CDH10: variants seen among roughly 807,000 people sequenced by gnomAD.
CDH10 encodes cadherin-10.
A neutral mutation model predicts 73.1 loss-of-function variants in CDH10; 30 were observed. The observed-to-expected ratio is 0.41, with a 90% CI of 0.31 to 0.56. The LOEUF (loss-of-function observed/expected upper bound fraction) is 0.56. Ranked by LOEUF, CDH10 falls within the 20% of genes least tolerant of loss-of-function variation. The pLI is 0.27. For missense variants in CDH10, 815 were observed against 973.7 expected, an observed-to-expected ratio of 0.84 and a Z score of 2.17; for synonymous variants, 345 against 348.2, an observed-to-expected ratio of 0.99 and a Z score of 0.10.
At chr5:24,495,770 C>T (rs371688752) in intron 9 of CDH10, among the ~76,000 whole-genome samples, 2 of 151,120 alleles carry the variant, frequency 1.3e-5, no homozygotes, top group African/African-American at 4.9e-5. Flanking sequence ...TCACTTGAAC[C>T]GAACCCAGGA....
At chr5:24,524,253 T>A (rs1197014273) in intron 5 of CDH10, among the ~76,000 whole-genome samples, 1 of 152,142 alleles carries the variant, frequency 6.6e-6, no homozygotes, top group African/African-American at 2.4e-5. Context: ...CAGTGATTCA[T>A]TCACACTTTC....
chr5:24,615,286 T>C (rs866231388), intron 1 of CDH10, among the ~76,000 whole-genome samples: 47 of 152,366 alleles, frequency 3.1e-4, no homozygotes, highest in African/African-American at 1.1e-3. Context: ...TCAAATATTT[T>C]ATATTTCTGT....
intron 2 of CDH10, among the ~76,000 whole-genome samples, chr5:24,583,350 G>A (rs1235497941): frequency 6.6e-6 from 1 of 151,864 alleles, no homozygotes; most frequent in Non-Finnish European, 1.5e-5. Flanking sequence ...TTTTAAAGAA[G>A]AAAACTAGGG....
At chr5:24,570,273 A>C (rs1745329399) in intron 2 of CDH10, among the ~76,000 whole-genome samples, 1 of 152,196 alleles carries the variant, frequency 6.6e-6, no homozygotes, top group Non-Finnish European at 1.5e-5. Flanking sequence ...AATAAGACAA[A>C]AATAATCATC....
intron 5 of CDH10, among the ~76,000 whole-genome samples, chr5:24,518,761 A>G (rs1427452244): frequency 6.6e-6 from 1 of 151,936 alleles, no homozygotes; most frequent in Non-Finnish European, 1.5e-5. Flanking sequence ...TCATATCTGT[A>G]TATTAATAAA....
intron 1 of CDH10, among the ~76,000 whole-genome samples, chr5:24,616,671 A>G (rs984990597): frequency 6.6e-6 from 1 of 152,202 alleles, no homozygotes; most frequent in East Asian, 1.9e-4. Context: ...CTTATTCTCC[A>G]GAATAAACAT....
intron 5 of CDH10, among the ~76,000 whole-genome samples, chr5:24,532,077 G>A (rs1038204411): frequency 1.3e-5 from 2 of 151,994 alleles, no homozygotes; most frequent in East Asian, 1.9e-4. Context: ...GAGAAACATT[G>A]TTATAAATCC....
chr5:24,631,175 G>C (rs181838318), intron 1 of CDH10, among the ~76,000 whole-genome samples: 22 of 152,180 alleles, frequency 1.4e-4, no homozygotes, highest in Admixed American at 1.2e-3. Flanking sequence ...TAAGGACTTA[G>C]GTTAATCTCA....
chr5:24,618,629 G>T (rs112620099), intron 1 of CDH10, among the ~76,000 whole-genome samples: 2 of 152,124 alleles, frequency 1.3e-5, no homozygotes, highest in Non-Finnish European at 2.9e-5. Context: ...CTGATTAAGC[G>T]AATAGTCCAG....
chr5:24,554,473 CGTGTGT>C (rs70965612), intron 2 of CDH10, among the ~76,000 whole-genome samples: 32,638 of 149,254 alleles, frequency 0.22, 3,809 homozygotes, highest in Admixed American at 0.27. Context: ...TCTCCCTATT[CGTGTGT>C]GTGTGTGTGT....
chr5:24,528,748 T>C (rs991749702), intron 5 of CDH10, among the ~76,000 whole-genome samples: 5 of 151,986 alleles, frequency 3.3e-5, no homozygotes, highest in African/African-American at 1.2e-4. Flanking sequence ...TATGTAAAAG[T>C]AGTGAACTAC....
chr5:24,574,087 A>G (rs960469023), intron 2 of CDH10, among the ~76,000 whole-genome samples: 3 of 151,718 alleles, frequency 2.0e-5, no homozygotes, highest in South Asian at 4.2e-4. Context: ...GGGTTTCACC[A>G]TGTTAGCCAG....
intron 1 of CDH10, among the ~76,000 whole-genome samples, chr5:24,606,682 G>T (rs558593082): frequency 6.6e-6 from 1 of 152,114 alleles, no homozygotes; most frequent in South Asian, 2.1e-4. Flanking sequence ...GTATAAAAAA[G>T]ATTTTTACCT....
At chr5:24,624,397 T>G in intron 1 of CDH10, among the ~76,000 whole-genome samples, 1 of 152,218 alleles carries the variant, frequency 6.6e-6, no homozygotes, top group South Asian at 2.1e-4. Flanking sequence ...TTCTACAAAT[T>G]ATGGGTAAAC....
At position 24,504,506 on chromosome 5, in the gene CDH10, C is replaced by CTGTTTTTTTTTTTTTTTTTTTTTTTTT. The variant is rs1554016940; in HGVS notation, c.1393+605_1393+606insAAAAAAAAAAAAAAAAAAAAAAAAACA. On this transcript the variant is annotated intron_variant, in intron 8 of 11. Transcript: ENST00000264463. ...TATTAAATGCTTTTCTCCTATTAAT[C>CTGTTTTTTTTTTTTTTTTTTTTTTTTT]TTTTTTTTTTTTTTTTTTTTTTTTT... 1.1e-4 allele frequency among the ~76,000 whole-genome samples: 7 copies of CTGTTTTTTTTTTTTTTTTTTTTTTTTT among 65,206 alleles called. 3 individuals carry two copies. Among genetic ancestry groups the CTGTTTTTTTTTTTTTTTTTTTTTTTTT allele is most frequent in the Non-Finnish European group, 1.5e-4 (5 of 33,976 alleles). The allele number at this position is 65,206 out of a possible 152,430, so 42.8% of individuals were successfully genotyped here. A position where few individuals can be genotyped will look rare whatever the true frequency, so the allele number is the denominator to read the frequency against.
chr5:24,560,882 T>C (rs907477020), intron 2 of CDH10, among the ~76,000 whole-genome samples: 1 of 152,140 alleles, frequency 6.6e-6, no homozygotes, highest in African/African-American at 2.4e-5. Context: ...ATATGCCTTT[T>C]TTTACTATAG....
intron 2 of CDH10, among the ~76,000 whole-genome samples, chr5:24,584,931 C>T (rs1745941500): frequency 6.6e-6 from 1 of 151,682 alleles, no homozygotes; most frequent in South Asian, 2.1e-4. Context: ...ACTGCAGCCT[C>T]AAACTCCGAG....
chr5:24,518,984 G>T (rs1419758901), intron 5 of CDH10, among the ~76,000 whole-genome samples: 1 of 146,200 alleles, frequency 6.8e-6, no homozygotes, highest in Non-Finnish European at 1.5e-5. Context: ...TCCACCTCCT[G>T]GGTTCAAGTG....
chr5:24,569,080 A>G (rs1440590918), intron 2 of CDH10, among the ~76,000 whole-genome samples: 1 of 151,416 alleles, frequency 6.6e-6, no homozygotes, highest in Non-Finnish European at 1.5e-5. Flanking sequence ...ACTGCACTCC[A>G]GCCTGGGCAA....
Sources: allele counts gnomAD v4.1 joint callset (sites outside exome capture counted in the v4.1 genomes callset), GRCh38; gene constraint gnomAD v4.1.1; transcripts MANE v1.5; gene names NCBI Gene and HGNC (gene_info 2026-07-23, HGNC 2026-07-21).